Variants in SPTLC3 observed in about 807,000 individuals in gnomAD.
SPTLC3 encodes serine palmitoyltransferase long chain base subunit 3.
In SPTLC3, 36 loss-of-function variants were observed where a neutral mutation model predicts 59.3. The observed-to-expected ratio is 0.61, with a 90% confidence interval of 0.47 to 0.80. The LOEUF (loss-of-function observed/expected upper bound fraction) is 0.80, where lower values mean the gene tolerates loss of function less well. Ranked by LOEUF, SPTLC3 falls within the 30% of genes least tolerant of loss-of-function variation. SPTLC3 has a pLI of 0.00. For synonymous variants in SPTLC3, 257 were observed against 240.8 expected (o/e 1.07, Z -0.62); for missense variants, 625 against 685.1 (o/e 0.91, Z 0.98).
At position 13,072,337 on chromosome 20, in the gene SPTLC3, C is replaced by T; in HGVS notation, c.385C>T (p.Pro129Ser). 1 of 1,613,788 alleles carries T rather than the reference C, an allele frequency of 6.2e-7. No homozygotes were observed. The highest frequency in any genetic ancestry group is 8.5e-7 in the Non-Finnish European group (1 of 1,179,798). Residue 129 changes from proline to serine, a missense_variant, in exon 3 of 12, where the codon CCC becomes TCC. Coordinates refer to ENST00000399002, the MANE Select transcript of SPTLC3 (RefSeq NM_018327.4). ...YMRIRDNWNRPICSAPGPLFD... is the reference protein window; with the variant it reads ...YMRIRDNWNRSICSAPGPLFD... ...GCGAATCAGAGACAACTGGAACCGG[C>T]CCATCTGCAGTGCCCCAGGGCCTCT... is the stretch of plus-strand genomic sequence containing the variant.
At position 13,154,052 on chromosome 20, in the gene SPTLC3, A is replaced by C. The variant is rs781178580; in HGVS notation, c.1329A>C (p.Gln443His). The C allele has an allele frequency of 6.2e-7, 1 of 1,614,138 alleles. No homozygotes were observed. The highest frequency in any genetic ancestry group is 8.5e-7 in the Non-Finnish European group (1 of 1,179,998). ...QLAKNTRYFR[Q>H]RLQEMGFIIY... The stretch of plus-strand genomic sequence containing the variant: ...CGAAAAACACAAGATACTTCAGACA[A>C]AGACTGCAGGAAATGGGATTCATTA... The change falls in exon 10 of 12, where the codon CAA becomes CAC. Residue 443 changes from glutamine to histidine, a missense_variant. Transcript: ENST00000399002.
intron 3 of SPTLC3, chr20:13,074,078 T>C (rs1034577378): frequency 9.1e-6 from 6 of 657,770 alleles, no homozygotes; most frequent in Non-Finnish European, 1.5e-5. Flanking sequence ...GGCTGGAAGC[T>C]ACCTGGCTGT....
chr20:13,135,792 C>CA (rs2038227545), intron 9 of SPTLC3, among the ~76,000 whole-genome samples: 1 of 152,170 alleles, frequency 6.6e-6, no homozygotes, highest in Admixed American at 6.5e-5. Flanking sequence ...CTAATTTCAC[C>CA]AAAATGGCTA....
At chr20:13,150,564 A>T (rs1339184659) in intron 9 of SPTLC3, among the ~76,000 whole-genome samples, 1 of 152,214 alleles carries the variant, frequency 6.6e-6, no homozygotes, top group Non-Finnish European at 1.5e-5. Context: ...TGATAAAACC[A>T]AGGAACACTA....
intron 7 of SPTLC3, 54 bp downstream of exon 7, chr20:13,110,271 C>T (rs1039480175): frequency 7.4e-6 from 11 of 1,489,770 alleles, no homozygotes; most frequent in Non-Finnish European, 1.0e-5. Context: ...GCAAGCTGAC[C>T]AGTGCGGAAA....
chr20:13,153,941 C>T, intron 9 of SPTLC3, 62 bp from the exon 10 acceptor site: 2 of 1,591,152 alleles, frequency 1.3e-6, no homozygotes, highest in Non-Finnish European at 1.7e-6. Context: ...GCCAAGTTGA[C>T]CGGACCTTTA....
chr20:13,013,930 C>G (rs921274780), intron 1 of SPTLC3, among the ~76,000 whole-genome samples: 4 of 152,158 alleles, frequency 2.6e-5, no homozygotes, highest in African/African-American at 9.7e-5. Flanking sequence ...CCAAGATCAC[C>G]CCATTCACAT....
At chr20:13,049,353 T>C (rs1214912112) in intron 2 of SPTLC3, 2 of 490,070 alleles carry the variant, frequency 4.1e-6, no homozygotes, top group Non-Finnish European at 7.5e-6. Context: ...CATACCAAAC[T>C]AAGGCTTTTC....
chr20:13,135,626 T>C (rs1480340064), intron 9 of SPTLC3, among the ~76,000 whole-genome samples: 2 of 152,234 alleles, frequency 1.3e-5, no homozygotes, highest in Non-Finnish European at 2.9e-5. Context: ...GGCCCACTTA[T>C]CTGAAGATCT....
intron 2 of SPTLC3, among the ~76,000 whole-genome samples, chr20:13,060,271 C>T (rs994843931): frequency 3.3e-5 from 5 of 152,074 alleles, no homozygotes; most frequent in African/African-American, 4.8e-5. Flanking sequence ...TACGCAAAAT[C>T]GCATCTAAGT....
In SPTLC3 at chr20:13,160,889, A is replaced by T. The variant is rs574634421; in HGVS notation, c.1545+757A>T. ...AATTATTAGAGTGGAGAAGATTCACAGGGGAGGTGGCTTTTGAGCCAGGCC... is the reference window on the plus strand; with the variant it reads ...AATTATTAGAGTGGAGAAGATTCACTGGGGAGGTGGCTTTTGAGCCAGGCC... On this transcript the variant is annotated intron_variant, in intron 11 of 11. Coordinates refer to ENST00000399002, the MANE Select transcript of SPTLC3 (RefSeq NM_018327.4). Among the ~76,000 whole-genome samples, 13 of 152,328 alleles carry T rather than the reference A, an allele frequency of 8.5e-5. No individual in the cohort carries two copies. The East Asian group carries it at 2.3e-3, about 27-fold the overall frequency.
At position 13,117,586 on chromosome 20, in the gene SPTLC3, C is replaced by A; in HGVS notation, c.1013C>A (p.Ala338Asp). The A allele has an allele frequency of 6.2e-7, 1 of 1,613,948 alleles. No homozygotes were observed. The highest frequency in any genetic ancestry group is 1.1e-5 in the South Asian group (1 of 91,050). The change falls in exon 8 of 12, where the codon GCT becomes GAT. Residue 338 changes from alanine to aspartate, a missense_variant. Ala to Asp is a moderately radical substitution (Grantham distance 126, BLOSUM62 -2). Coordinates refer to ENST00000399002, the MANE Select transcript of SPTLC3 (RefSeq NM_018327.4). The stretch of plus-strand genomic sequence containing the variant: ...AAGGCTTACCTCTACATAGATGAAG[C>A]TCACAGTATTGGGGCCGTGGGCCCA... ...KYKAYLYIDE[A>D]HSIGAVGPTG...
intron 6 of SPTLC3, among the ~76,000 whole-genome samples, chr20:13,105,267 G>GAAA (rs34496058): frequency 1.3e-5 from 2 of 149,574 alleles, no homozygotes; most frequent in African/African-American, 2.5e-5. Flanking sequence ...CCTGCAGGAG[G>GAAA]AAAAAAAAAA....
chr20:13,111,553 C>T (rs1990234187), intron 7 of SPTLC3, among the ~76,000 whole-genome samples: 1 of 152,172 alleles, frequency 6.6e-6, no homozygotes, highest in Non-Finnish European at 1.5e-5. Flanking sequence ...ACTGACAACT[C>T]GTAGGCCTTA....
At chr20:13,026,219 T>A (rs930100334) in intron 1 of SPTLC3, among the ~76,000 whole-genome samples, 1 of 152,202 alleles carries the variant, frequency 6.6e-6, no homozygotes, top group East Asian at 1.9e-4. Flanking sequence ...GGTAGAACAA[T>A]TTATATCCCT....
intron 9 of SPTLC3, among the ~76,000 whole-genome samples, chr20:13,139,769 C>T (rs1490463906): frequency 6.6e-6 from 1 of 152,204 alleles, no homozygotes; most frequent in African/African-American, 2.4e-5. Flanking sequence ...TTTCCTCCGA[C>T]TTTCTGATTC....
At position 13,168,235 on chromosome 20, in the gene SPTLC3, G is replaced by A. The variant is rs1301435845; in HGVS notation, c.*3368G>A. On this transcript the variant is annotated 3_prime_UTR_variant, in exon 12 of 12. Coordinates refer to ENST00000399002, the MANE Select transcript of SPTLC3 (RefSeq NM_018327.4). Reference sequence around the variant, plus strand: ...TGTTCTTCTTGTTGCCCAGGCTATAGTGCAATGGCAAGATCTCGGCTCATT... The same window carrying A: ...TGTTCTTCTTGTTGCCCAGGCTATAATGCAATGGCAAGATCTCGGCTCATT... The A allele has an allele frequency of 6.8e-6, 1 of 146,580 alleles. No homozygotes were observed. Among genetic ancestry groups the A allele is most frequent in the African/African-American group, 2.5e-5 (1 of 39,350 alleles). The allele number at this position is 146,580 out of a possible 1,614,324, so 9.1% of individuals were successfully genotyped here.
intron 1 of SPTLC3, among the ~76,000 whole-genome samples, chr20:13,045,617 A>T (rs1044938519): frequency 6.6e-6 from 1 of 152,160 alleles, no homozygotes; most frequent in African/African-American, 2.4e-5. Context: ...TCTGCCAAAT[A>T]AAATTAATTA....
At position 13,091,169 on chromosome 20, in the gene SPTLC3, G is replaced by T; in HGVS notation, c.694G>T (p.Ala232Ser). The T allele has an allele frequency of 6.2e-7, 1 of 1,613,858 alleles. No individual in the cohort carries two copies. Among genetic ancestry groups the T allele is most frequent in the East Asian group, 2.2e-5 (1 of 44,852 alleles). The change falls in exon 5 of 12, where the codon GCA becomes TCA. Residue 232 changes from alanine to serine, a missense_variant. Coordinates refer to ENST00000399002, the MANE Select transcript of SPTLC3 (RefSeq NM_018327.4). Reference sequence around the variant, plus strand: ...AGCTATGGTCTTTGGGATGGGATTCGCAACTAACTCAATGAATATCCCAGC... The same window carrying T: ...AGCTATGGTCTTTGGGATGGGATTCTCAACTAACTCAATGAATATCCCAGC... ...EAAMVFGMGFATNSMNIPALV... is the reference protein window; with the variant it reads ...EAAMVFGMGFSTNSMNIPALV...
Sources: gnomAD v4.1 joint callset for allele counts (sites outside exome capture counted in the v4.1 genomes callset) on GRCh38, gnomAD v4.1.1 for gene constraint, MANE v1.5 for transcripts, NCBI Gene and HGNC (gene_info 2026-07-23, HGNC 2026-07-21) for gene names.